The following UNC80 variants were observed in gnomAD, a reference collection of about 807,000 sequenced individuals.
UNC80 encodes the protein protein unc-80 homolog.
In UNC80, 164 loss-of-function variants were observed where a neutral mutation model predicts 384.6. That is an observed-to-expected ratio of 0.43 (90% CI 0.38 to 0.49). The LOEUF (loss-of-function observed/expected upper bound fraction) is 0.49. Ranked by LOEUF, UNC80 falls within the 20% of genes least tolerant of loss-of-function variation. The probability of loss-of-function intolerance (pLI) is 0.00; values close to 1 mark genes in which losing one functional copy is unlikely to be tolerated. For synonymous variants in UNC80, 1,486 were observed against 1,527.8 expected, an observed-to-expected ratio of 0.97 and a Z score of 0.64; for missense variants, 3,330 against 4,143.0, an observed-to-expected ratio of 0.80 and a Z score of 5.39.
At chr2:209,937,727 T>C (rs1437271686) in intron 42 of UNC80, 97 bp downstream of exon 42, 1 of 908,078 alleles carries the variant, frequency 1.1e-6, no homozygotes, top group African/African-American at 1.7e-5. Context: ...ATGATTCCAT[T>C]TTGACCCTCT....
intron 6 of UNC80, among the ~76,000 whole-genome samples, chr2:209,791,451 A>G (rs1271149927): frequency 1.3e-5 from 2 of 152,042 alleles, no homozygotes; most frequent in Non-Finnish European, 2.9e-5. Flanking sequence ...TCAGTTATCT[A>G]TTATCTCTAA....
chr2:209,957,478 G>C (rs1213221663), intron 48 of UNC80, among the ~76,000 whole-genome samples, 166 bp from the exon 49 acceptor site: 1 of 152,130 alleles, frequency 6.6e-6, no homozygotes, highest in African/African-American at 2.4e-5. Context: ...CTTTTAAAGT[G>C]CCTCTCAGAA....
At chr2:209,947,048 T>C (rs1445509268) in intron 47 of UNC80, among the ~76,000 whole-genome samples, 1 of 152,170 alleles carries the variant, frequency 6.6e-6, no homozygotes, top group Non-Finnish European at 1.5e-5. Context: ...GATGTGGCTG[T>C]GGCCTTCAGG....
chr2:209,896,011 A>G (rs377740167), intron 27 of UNC80, among the ~76,000 whole-genome samples: 1 of 152,184 alleles, frequency 6.6e-6, no homozygotes, highest in Admixed American at 6.5e-5. Flanking sequence ...GCACTCAATC[A>G]ATAACTGGCT....
intron 35 of UNC80, among the ~76,000 whole-genome samples, chr2:209,925,610 T>C (rs1384349280): frequency 6.6e-6 from 1 of 152,210 alleles, no homozygotes; most frequent in Non-Finnish European, 1.5e-5. Context: ...GAGCGCTGAT[T>C]GGTCCATTTT....
At chr2:209,907,681 A>G (rs1302336144) in intron 29 of UNC80, among the ~76,000 whole-genome samples, 1 of 152,216 alleles carries the variant, frequency 6.6e-6, no homozygotes, top group Non-Finnish European at 1.5e-5. Flanking sequence ...CTTTCATTTT[A>G]TCCTGCGAGC....
At chr2:209,825,113 A>G (rs372988949) in intron 13 of UNC80, among the ~76,000 whole-genome samples, 1 of 152,204 alleles carries the variant, frequency 6.6e-6, no homozygotes, top group African/African-American at 2.4e-5. Context: ...ATGTGGTAGA[A>G]GGACTGAGAC....
chr2:209,817,118 C>A lies in UNC80; in HGVS notation c.1545C>A (p.Thr515=). Residue 515 remains threonine (T), a synonymous_variant, in exon 10 of 65, where the codon ACC becomes ACA. Transcript: ENST00000673920. The stretch of plus-strand genomic sequence containing the variant: ...TTGAGAAAGGAGGCTGGCAAACCAC[C>A]ATTTTAGGTGACCACAAGGCCTTCC... ...RGIEKGGWQT[T]ILGKLTRRGS... is the part of the protein sequence containing the mutation. 6.4e-7 allele frequency: 1 copy of A among 1,551,474 alleles called. No homozygotes were observed. Among genetic ancestry groups the A allele is most frequent in the East Asian group, 2.4e-5 (1 of 40,916 alleles).
At chr2:209,879,353 C>T (rs996698324) in intron 24 of UNC80, among the ~76,000 whole-genome samples, 1 of 152,148 alleles carries the variant, frequency 6.6e-6, no homozygotes, top group Non-Finnish European at 1.5e-5. Context: ...CGTGCATCCT[C>T]CTAGGCCAAA....
intron 38 of UNC80, among the ~76,000 whole-genome samples, chr2:209,933,245 G>C (rs150069639): frequency 0.016 from 2,493 of 152,130 alleles, 71 homozygotes; most frequent in African/African-American, 0.056. Flanking sequence ...AGGTGCAAAA[G>C]AGCACACAGT....
intron 29 of UNC80, among the ~76,000 whole-genome samples, 164 bp downstream of exon 29, chr2:209,905,129 T>C (rs2088028232): frequency 6.6e-6 from 1 of 152,180 alleles, no homozygotes; most frequent in South Asian, 2.1e-4. Flanking sequence ...AAATGTTTTG[T>C]CTTTCTTGTC....
chr2:209,970,984 G>A (rs2092867431), intron 54 of UNC80, 27 bp downstream of exon 54: 9 of 1,542,102 alleles, frequency 5.8e-6, no homozygotes, highest in South Asian at 1.2e-5. Context: ...TGTTTGTCAC[G>A]CTCATTAAGT....
At chr2:209,993,130 G>A (rs1386999151) in intron 62 of UNC80, among the ~76,000 whole-genome samples, 185 bp from the exon 63 acceptor site, 1 of 152,156 alleles carries the variant, frequency 6.6e-6, no homozygotes, top group Non-Finnish European at 1.5e-5. Context: ...CTAATAATTG[G>A]GAGATGAACT....
chr2:209,776,761 G>A (rs553858443), intron 3 of UNC80, among the ~76,000 whole-genome samples: 1 of 152,208 alleles, frequency 6.6e-6, no homozygotes, highest in African/African-American at 2.4e-5. Context: ...GTAGTACTGT[G>A]TATGAGTATG....
rs2084400300 is a variant in UNC80, at chr2:209,872,661, A to C, written c.3628-97A>C. The stretch of plus-strand genomic sequence containing the variant: ...CAATATAAATCAAAACATGAAGAGG[A>C]AAATAAACTAAAAATACACAGTAAT... On this transcript the variant is annotated intron_variant, in intron 22 of 64. Coordinates refer to ENST00000673920, the MANE Select transcript of UNC80 (RefSeq NM_001371986.1). This position sits in a 1 kb window ranked among gnomAD's most constrained non-coding sequence, Gnocchi z 4.1. 1.7e-6 allele frequency: 2 copies of C among 1,155,684 alleles called. No individual in the cohort carries two copies. The highest frequency in any genetic ancestry group is 4.2e-5 in the Admixed American group (2 of 47,750). 71.6% of individuals were successfully genotyped at this position (1,155,684 alleles called of 1,614,324 possible). A position where few individuals can be genotyped will look rare whatever the true frequency, so the allele number is the denominator to read the frequency against.
intron 12 of UNC80, among the ~76,000 whole-genome samples, chr2:209,819,987 A>G (rs560398069): frequency 6.6e-5 from 10 of 152,342 alleles, no homozygotes; most frequent in South Asian, 6.2e-4. Context: ...ACAAGTTTCC[A>G]TTTGGACAAA....
chr2:209,929,921 T>A lies in UNC80; in HGVS notation c.5857T>A (p.Ser1953Thr). Reference protein sequence around the residue: ...VLWNCLIEDPSTVLRHFLEKL... With the variant: ...VLWNCLIEDPTTVLRHFLEKL... ...ATGGAACTGTCTAATTGAAGATCCA[T>A]CAACGGTTCTTCGACATTTTCTGGA... is the stretch of plus-strand genomic sequence containing the variant. The change falls in exon 37 of 65, where the codon TCA becomes ACA. Residue 1953 changes from serine to threonine, a missense_variant. Physicochemically the swap from Ser to Thr is moderately conservative, Grantham distance 58. Coordinates refer to ENST00000673920, the MANE Select transcript of UNC80 (RefSeq NM_001371986.1). 1 of 1,539,528 alleles carries A rather than the reference T, an allele frequency of 6.5e-7. No individual in the cohort carries two copies. The highest frequency in any genetic ancestry group is 8.7e-7 in the Non-Finnish European group (1 of 1,142,888).
intron 2 of UNC80, 56 bp downstream of exon 2, chr2:209,773,198 C>A: frequency 6.8e-7 from 1 of 1,461,868 alleles, no homozygotes; most frequent in Non-Finnish European, 9.5e-7. Flanking sequence ...GTGGTTTGAA[C>A]CCAAAGACAG....
At chr2:209,894,624 T>C (rs1463487973) in intron 27 of UNC80, among the ~76,000 whole-genome samples, 1 of 152,156 alleles carries the variant, frequency 6.6e-6, no homozygotes, top group Admixed American at 6.6e-5. Flanking sequence ...GGATCTGAGA[T>C]TCTACATGTT....
Sources: gnomAD v4.1 joint callset for allele counts (sites outside exome capture counted in the v4.1 genomes callset) on GRCh38, gnomAD v4.1.1 for gene constraint, Gnocchi (gnomAD v3.1) non-coding constraint, MANE v1.5 for transcripts, NCBI Gene and HGNC (gene_info 2026-07-23, HGNC 2026-07-21) for gene names.